The following KCNB2 variants were observed in gnomAD, a reference collection of about 807,000 sequenced individuals.
The protein encoded by KCNB2 is potassium voltage-gated channel subfamily B member 2.
In KCNB2, 15 loss-of-function variants were observed where a neutral mutation model predicts 61.5. The observed-to-expected ratio is 0.24, with a 90% CI of 0.16 to 0.38. KCNB2 has a LOEUF of 0.38. Ranked by LOEUF, KCNB2 falls within the 10% of genes least tolerant of loss-of-function variation. The pLI, the probability that KCNB2 is intolerant of heterozygous loss-of-function variation, is 1.00. For missense variants in KCNB2, 828 were observed against 1,125.2 expected (o/e 0.74, Z 3.78); for synonymous variants, 457 against 446.0 (o/e 1.02, Z -0.31).
intron 2 of KCNB2, among the ~76,000 whole-genome samples, chr8:72,740,095 G>A (rs137926467): frequency 0.013 from 1,972 of 152,256 alleles, 37 homozygotes; most frequent in African/African-American, 0.045. Flanking sequence ...CCTTGTGAAC[G>A]TATGTGTTGT....
At chr8:72,673,281 C>T (rs572374647) in intron 2 of KCNB2, among the ~76,000 whole-genome samples, 7 of 152,210 alleles carry the variant, frequency 4.6e-5, no homozygotes, top group Middle Eastern at 3.4e-3. Context: ...TGGGAGGGAC[C>T]GGGTGGAGAT....
intron 2 of KCNB2, among the ~76,000 whole-genome samples, chr8:72,844,044 C>T (rs1459042606): frequency 1.3e-5 from 2 of 152,152 alleles, no homozygotes; most frequent in Non-Finnish European, 2.9e-5. Flanking sequence ...ATGGTCTTTA[C>T]AATTTGGTAT....
At chr8:72,705,967 T>G (rs1318639454) in intron 2 of KCNB2, among the ~76,000 whole-genome samples, 2 of 152,146 alleles carry the variant, frequency 1.3e-5, no homozygotes, top group Non-Finnish European at 2.9e-5. Context: ...TGCTACTATA[T>G]GGAGAGTTGG....
At chr8:72,667,365 C>A (rs895307343) in intron 2 of KCNB2, among the ~76,000 whole-genome samples, 7 of 152,312 alleles carry the variant, frequency 4.6e-5, no homozygotes, top group Admixed American at 4.6e-4. Context: ...ATCTGTCCAC[C>A]TGCTTTCACC....
At chr8:72,886,787 G>A (rs770380931) in intron 2 of KCNB2, among the ~76,000 whole-genome samples, 8 of 152,242 alleles carry the variant, frequency 5.3e-5, no homozygotes, top group Admixed American at 3.9e-4. Context: ...TTCTTGCATC[G>A]CAGTGGCAGC....
intron 2 of KCNB2, among the ~76,000 whole-genome samples, chr8:72,638,494 T>C (rs2128985494): frequency 6.6e-6 from 1 of 152,312 alleles, no homozygotes; most frequent in East Asian, 1.9e-4. Context: ...CAGTTGAAGG[T>C]AAAGCCCCTT....
At chr8:72,581,599 G>A (rs771412714) in intron 2 of KCNB2, among the ~76,000 whole-genome samples, 2 of 152,208 alleles carry the variant, frequency 1.3e-5, no homozygotes, top group East Asian at 3.8e-4. Flanking sequence ...TGATTCTAGC[G>A]ATTAGACCTG....
intron 2 of KCNB2, among the ~76,000 whole-genome samples, chr8:72,571,228 A>G (rs190113504): frequency 3.7e-4 from 56 of 152,370 alleles, no homozygotes; most frequent in Non-Finnish European, 6.5e-4. Context: ...TGCTATATGC[A>G]TCCCCTATGA....
At chr8:72,623,632 C>T (rs2128984391) in intron 2 of KCNB2, among the ~76,000 whole-genome samples, 1 of 152,276 alleles carries the variant, frequency 6.6e-6, no homozygotes, top group Non-Finnish European at 1.5e-5. Context: ...TTTAGAGGAA[C>T]CAGGCTCCCA....
At chr8:72,916,398 C>A (rs766587367) in intron 2 of KCNB2, among the ~76,000 whole-genome samples, 1 of 152,146 alleles carries the variant, frequency 6.6e-6, no homozygotes, top group Admixed American at 6.5e-5. Context: ...GTTCCACCCC[C>A]TCACGGGACG....
intron 2 of KCNB2, among the ~76,000 whole-genome samples, chr8:72,796,975 T>C (rs1343900146): frequency 6.6e-6 from 1 of 152,226 alleles, no homozygotes; most frequent in Non-Finnish European, 1.5e-5. Flanking sequence ...TAGGTGAATC[T>C]GATAACCAAT....
chr8:72,625,540 C>A (rs1371942630), intron 2 of KCNB2, among the ~76,000 whole-genome samples: 1 of 152,132 alleles, frequency 6.6e-6, no homozygotes, highest in African/African-American at 2.4e-5. Flanking sequence ...GGGTGATCCT[C>A]CCACCTCAGC....
Position 72,756,606 on chromosome 8 carries a change from G to C in KCNB2, c.580-179329G>C, listed in dbSNP as rs775715752. On this transcript the variant is annotated intron_variant, in intron 2 of 2. Coordinates refer to ENST00000523207, the MANE Select transcript of KCNB2 (RefSeq NM_004770.3). ...GCTTCCTAATTGATTCCAATGTTTG[G>C]CCAAGCTTAAAAAGCCACCGATTTA... Among the ~76,000 whole-genome samples, 52 of 152,122 alleles carry C rather than the reference G, an allele frequency of 3.4e-4. 1 individual carries two copies. The highest frequency in any genetic ancestry group is 7.3e-5 in the Non-Finnish European group (5 of 68,028).
intron 2 of KCNB2, among the ~76,000 whole-genome samples, chr8:72,696,549 G>A (rs1807021270): frequency 6.6e-6 from 1 of 152,130 alleles, no homozygotes; most frequent in African/African-American, 2.4e-5. Flanking sequence ...TAGAGAATGT[G>A]TATTGGACTA....
At chr8:72,797,983 T>C (rs71525188) in intron 2 of KCNB2, among the ~76,000 whole-genome samples, 1 of 152,262 alleles carries the variant, frequency 6.6e-6, no homozygotes, top group Admixed American at 6.5e-5. Flanking sequence ...TACAACATTG[T>C]TTTCCTATCT....
At chr8:72,634,355 A>G (rs1208041221) in intron 2 of KCNB2, among the ~76,000 whole-genome samples, 1 of 152,172 alleles carries the variant, frequency 6.6e-6, no homozygotes, top group East Asian at 1.9e-4. Context: ...TGAATCGCCT[A>G]AGATCTTAAC....
intron 2 of KCNB2, among the ~76,000 whole-genome samples, chr8:72,844,295 G>A (rs1257575397): frequency 6.6e-6 from 1 of 152,234 alleles, no homozygotes; most frequent in Admixed American, 6.5e-5. Context: ...TAGGGTTTCT[G>A]CTGAGAGATC....
intron 2 of KCNB2, among the ~76,000 whole-genome samples, chr8:72,686,295 C>T (rs1421612754): frequency 1.3e-5 from 2 of 152,020 alleles, no homozygotes; most frequent in African/African-American, 2.4e-5. Context: ...TCCTGCTATT[C>T]GTCTTATAGG....
intron 2 of KCNB2, among the ~76,000 whole-genome samples, chr8:72,820,696 T>C (rs1809482737): frequency 6.6e-6 from 1 of 152,172 alleles, no homozygotes; most frequent in Middle Eastern, 3.2e-3. Flanking sequence ...CTAAATTAAT[T>C]TAATATTACT....
Sources: gnomAD v4.1 joint callset for allele counts (sites outside exome capture counted in the v4.1 genomes callset) on GRCh38, gnomAD v4.1.1 for gene constraint, MANE v1.5 for transcripts, NCBI Gene and HGNC (gene_info 2026-07-23, HGNC 2026-07-21) for gene names.